SLC8A1: variants seen among roughly 807,000 people sequenced by gnomAD.
The protein encoded by SLC8A1 is sodium/calcium exchanger 1.
Under a neutral mutation model 68.3 loss-of-function variants are expected in SLC8A1, and 18 were observed. The ratio of observed to expected loss-of-function variants is 0.26; its 90% confidence interval spans 0.18 to 0.39. SLC8A1 has a LOEUF of 0.39. Among genes scored for constraint, SLC8A1 ranks in the 10% least tolerant of loss-of-function variants. The probability of loss-of-function intolerance (pLI) is 1.00; values close to 1 mark genes in which losing one functional copy is unlikely to be tolerated. For synonymous variants in SLC8A1, 475 were observed against 415.5 expected, an observed-to-expected ratio of 1.14 and a Z score of -1.74; for missense variants, 985 against 1,156.7, an observed-to-expected ratio of 0.85 and a Z score of 2.15.
chr2:40,174,774 G>A (rs767260783), intron 4 of SLC8A1, 51 bp downstream of exon 5: 3 of 1,591,286 alleles, frequency 1.9e-6, no homozygotes, highest in Non-Finnish European at 2.6e-6. Flanking sequence ...ATAACATCTG[G>A]TGAGAACAGA....
intron 2 of SLC8A1, among the ~76,000 whole-genome samples, chr2:40,380,148 T>C (rs1002198888): frequency 2.0e-5 from 3 of 152,130 alleles, no homozygotes; most frequent in African/African-American, 7.2e-5. Context: ...TCAATAGCAA[T>C]GCCAAGAGGT....
At chr2:40,166,211 G>C (rs1433614201) in intron 4 of SLC8A1, among the ~76,000 whole-genome samples, 4 of 152,176 alleles carry the variant, frequency 2.6e-5, no homozygotes, top group African/African-American at 4.8e-5. Context: ...CCACGCTATG[G>C]TGGCTCCATT....
At chr2:40,386,302 T>C (rs1683516966) in intron 2 of SLC8A1, among the ~76,000 whole-genome samples, 3 of 151,190 alleles carry the variant, frequency 2.0e-5, no homozygotes, top group Admixed American at 2.0e-4. Flanking sequence ...AATGAGTCTA[T>C]TTTACTTTCA....
chr2:40,435,645 G>A (rs1699248854), intron 1 of SLC8A1, among the ~76,000 whole-genome samples: 1 of 152,142 alleles, frequency 6.6e-6, no homozygotes, highest in Admixed American at 6.6e-5. Flanking sequence ...AGAAACTAGG[G>A]TGAAGGTAGG....
intron 2 of SLC8A1, among the ~76,000 whole-genome samples, chr2:40,409,965 C>T (rs1325083156): frequency 2.6e-5 from 4 of 151,132 alleles, no homozygotes; most frequent in Non-Finnish European, 5.9e-5. Context: ...TTTAAAATAA[C>T]CTAGTGAATA....
intron 7 of SLC8A1, among the ~76,000 whole-genome samples, chr2:40,139,178 A>AT (rs932619658): frequency 6.6e-6 from 1 of 152,112 alleles, no homozygotes; most frequent in African/African-American, 2.4e-5. Flanking sequence ...CCCTCTGGGG[A>AT]TCTGGGATGC....
chr2:40,289,202 G>A (rs2068858478), intron 2 of SLC8A1, among the ~76,000 whole-genome samples: 1 of 150,928 alleles, frequency 6.6e-6, no homozygotes, highest in African/African-American at 2.5e-5. Flanking sequence ...AAAAAAGTAG[G>A]TAGATTAACC....
chr2:40,255,528 C>A (rs1034862036), intron 2 of SLC8A1, among the ~76,000 whole-genome samples: 2 of 152,178 alleles, frequency 1.3e-5, no homozygotes, highest in South Asian at 4.1e-4. Flanking sequence ...GACTAAGTGT[C>A]AGGAAACCTC....
At chr2:40,202,101 A>G (rs1161746323) in intron 2 of SLC8A1, among the ~76,000 whole-genome samples, 1 of 152,032 alleles carries the variant, frequency 6.6e-6, no homozygotes, top group East Asian at 1.9e-4. Flanking sequence ...GTGTTTCCAA[A>G]GATTAGATCA....
Position 40,154,465 on chromosome 2 carries a change from G to A in SLC8A1, c.2161+6300C>T, listed in dbSNP as rs1189610868. ...ATTACAGGCACCTGCCACCATGCCC[G>A]GCTAATTTTTTTTCTTTTCTTTTTT... is the stretch of plus-strand genomic sequence containing the variant. On this transcript the variant is annotated intron_variant, in intron 6 of 7. Coordinates refer to ENST00000406785, the Ensembl canonical transcript of SLC8A1. Among the ~76,000 whole-genome samples, 87 of 139,082 alleles carry A rather than the reference G, an allele frequency of 6.3e-4. 1 individual carries two copies. The highest frequency in any genetic ancestry group is 2.1e-3 in the African/African-American group (82 of 38,578). 91.2% of individuals were successfully genotyped at this position (139,082 alleles called of 152,430 possible).
chr2:40,448,715 T>G (rs1395784145), intron 1 of SLC8A1, among the ~76,000 whole-genome samples: 2 of 152,098 alleles, frequency 1.3e-5, no homozygotes, highest in Non-Finnish European at 2.9e-5. Context: ...GGAGACCATT[T>G]GGTAGGGGTT....
chr2:40,119,930 C>A (rs1021308567), intron 7 of SLC8A1, among the ~76,000 whole-genome samples: 1 of 152,278 alleles, frequency 6.6e-6, no homozygotes, highest in Admixed American at 6.5e-5. Flanking sequence ...AAAGTCAGGA[C>A]GTAATTGTTC....
intron 7 of SLC8A1, among the ~76,000 whole-genome samples, chr2:40,120,425 C>G (rs2036520625): frequency 6.6e-6 from 1 of 152,204 alleles, no homozygotes; most frequent in Non-Finnish European, 1.5e-5. Flanking sequence ...CAAAGAGACT[C>G]TCGGCTCTTC....
chr2:40,446,625 T>C (rs1701495386), intron 1 of SLC8A1: 1 of 152,274 alleles, frequency 6.6e-6, no homozygotes. Flanking sequence ...TACTTCAGCA[T>C]AGGTGTTCTA....
chr2:40,185,201 A>C (rs537861609), intron 2 of SLC8A1, among the ~76,000 whole-genome samples: 26 of 152,196 alleles, frequency 1.7e-4, no homozygotes, highest in Non-Finnish European at 2.9e-4. Flanking sequence ...AGCCCTCAAA[A>C]GTTTAAAAGT....
intron 2 of SLC8A1, chr2:40,195,732 A>G (rs1177541214): frequency 6.6e-6 from 1 of 152,058 alleles, no homozygotes; most frequent in Admixed American, 6.6e-5. Flanking sequence ...TATAGAATGT[A>G]TATTAACAGC....
intron 2 of SLC8A1, among the ~76,000 whole-genome samples, chr2:40,258,487 C>T (rs890505082): frequency 6.6e-6 from 1 of 152,150 alleles, no homozygotes; most frequent in Admixed American, 6.5e-5. Flanking sequence ...CACCCAAAAC[C>T]CTGCTTGGGG....
chr2:40,397,587 C>G (rs532482903), intron 2 of SLC8A1, among the ~76,000 whole-genome samples: 2 of 152,152 alleles, frequency 1.3e-5, no homozygotes, highest in Non-Finnish European at 2.9e-5. Flanking sequence ...ATTTGCCGAG[C>G]CTGACCGTTC....
intron 2 of SLC8A1, among the ~76,000 whole-genome samples, chr2:40,235,755 C>G (rs1341202139): frequency 6.7e-6 from 1 of 149,862 alleles, no homozygotes; most frequent in African/African-American, 2.5e-5. Flanking sequence ...AAATTTCCCT[C>G]TACACACTGC....
Sources: gnomAD v4.1 joint callset for allele counts (sites outside exome capture counted in the v4.1 genomes callset) on GRCh38, gnomAD v4.1.1 for gene constraint, MANE v1.5 for transcripts, NCBI Gene and HGNC (gene_info 2026-07-23, HGNC 2026-07-21) for gene names.